Variants in FBXW10B observed in about 807,000 individuals in gnomAD.
The protein encoded by FBXW10B is F-box and WD repeat domain containing 10B.
At chr17:15,607,582 G>C in the FBXW10B span, 1 of 1,604,214 alleles carries the variant, frequency 6.2e-7, no homozygotes, top group Admixed American at 1.7e-5. Context: ...ACGTGTCAGA[G>C]AGAATGCGAA....
the FBXW10B span, among the ~76,000 whole-genome samples, chr17:15,601,874 A>T: frequency 6.6e-5 from 10 of 152,178 alleles, no homozygotes; most frequent in Admixed American, 6.5e-4. Context: ...GCACTTTGGG[A>T]GGCCGAGGCG....
At chr17:15,575,453 ACTCTT>A in the FBXW10B span, among the ~76,000 whole-genome samples, 6 of 149,150 alleles carry the variant, frequency 4.0e-5, no homozygotes, top group African/African-American at 1.6e-4. Context: ...CCATCCAGTT[ACTCTT>A]CTATTTCTCC....
the FBXW10B span, among the ~76,000 whole-genome samples, chr17:15,602,751 C>T: frequency 8.4e-6 from 1 of 118,938 alleles, no homozygotes; most frequent in Non-Finnish European, 1.6e-5. Context: ...CCTCAGCCTC[C>T]CGAGTAGCTG....
At chr17:15,589,164 T>A in the FBXW10B span, 1 of 1,612,850 alleles carries the variant, frequency 6.2e-7, no homozygotes, top group African/African-American at 1.3e-5. Flanking sequence ...TAGCACTTGG[T>A]TCGATTCCAT....
the FBXW10B span, among the ~76,000 whole-genome samples, chr17:15,611,309 G>A: frequency 4.1e-4 from 62 of 152,236 alleles, 1 homozygote; most frequent in East Asian, 9.9e-3. Context: ...GGCGTGAGCC[G>A]CTGCACCTGG....
At chr17:15,604,922 G>A in the FBXW10B span, among the ~76,000 whole-genome samples, 1 of 152,342 alleles carries the variant, frequency 6.6e-6, no homozygotes, top group East Asian at 1.9e-4. Flanking sequence ...GAATCTGTAA[G>A]AACAAATGTA....
At chr17:15,570,247 G>A in the FBXW10B span, among the ~76,000 whole-genome samples, 1 of 152,140 alleles carries the variant, frequency 6.6e-6, no homozygotes, top group African/African-American at 2.4e-5. Context: ...AAGGCCATTC[G>A]GACAGGAGTG....
At chr17:15,608,611 G>C in the FBXW10B span, among the ~76,000 whole-genome samples, 1 of 151,846 alleles carries the variant, frequency 6.6e-6, no homozygotes, top group African/African-American at 2.4e-5. Context: ...GTGCCACCAC[G>C]CCTGGCTAAT....
At chr17:15,600,846 G>A in the FBXW10B span, among the ~76,000 whole-genome samples, 1 of 151,498 alleles carries the variant, frequency 6.6e-6, no homozygotes, top group Admixed American at 6.6e-5. Flanking sequence ...TCAGGAGATT[G>A]AGACCATCCT....
the FBXW10B span, chr17:15,596,665 G>A: frequency 4.3e-6 from 7 of 1,613,538 alleles, no homozygotes; most frequent in African/African-American, 8.0e-5. Context: ...ATCCCATACT[G>A]AAAAGGAGGG....
the FBXW10B span, among the ~76,000 whole-genome samples, chr17:15,586,114 A>G: frequency 6.6e-6 from 1 of 151,658 alleles, no homozygotes; most frequent in African/African-American, 2.4e-5. Flanking sequence ...TGTGAGCTAA[A>G]CCAATTGAGA....
chr17:15,588,889 G>C, the FBXW10B span: 2 of 1,614,004 alleles, frequency 1.2e-6, no homozygotes, highest in Admixed American at 1.7e-5. Context: ...TTGTTGTGCT[G>C]TTCCAGGAGT....
the FBXW10B span, among the ~76,000 whole-genome samples, chr17:15,581,518 C>T: frequency 6.6e-6 from 1 of 151,928 alleles, no homozygotes; most frequent in African/African-American, 2.4e-5. Flanking sequence ...AAGGATATAT[C>T]CAAAGTTCCT....
the FBXW10B span, among the ~76,000 whole-genome samples, chr17:15,594,394 C>T: frequency 3.3e-5 from 5 of 149,676 alleles, no homozygotes; most frequent in African/African-American, 1.2e-4. Flanking sequence ...ATAGCGTGAA[C>T]CCAGGAGGTA....
chr17:15,565,965 G>A, the FBXW10B span: 7 of 1,591,648 alleles, frequency 4.4e-6, no homozygotes, highest in South Asian at 4.4e-5. Flanking sequence ...TCATGGGCTC[G>A]GGTATGGTGG....
chr17:15,594,615 G>A, the FBXW10B span: 13 of 965,042 alleles, frequency 1.3e-5, no homozygotes, highest in Non-Finnish European at 1.7e-5. Context: ...GAAGAGGAGG[G>A]AAGCAGAGAG....
At chr17:15,612,823 C>A in the FBXW10B span, 5 of 1,602,922 alleles carry the variant, frequency 3.1e-6, no homozygotes, top group African/African-American at 7.0e-5. Flanking sequence ...GTATAGGACC[C>A]CTGGAAAAAC....
the FBXW10B span, among the ~76,000 whole-genome samples, chr17:15,590,848 T>A: frequency 3.0e-4 from 45 of 152,344 alleles, no homozygotes; most frequent in Non-Finnish European, 5.7e-4. Context: ...GCCTATCTGA[T>A]GGAGACACCC....
At chr17:15,605,266 C>T in the FBXW10B span, 27 of 1,589,828 alleles carry the variant, frequency 1.7e-5, no homozygotes, top group Non-Finnish European at 2.1e-5. Flanking sequence ...AAGTTTTCCT[C>T]CTCACACAGG....
Sources: allele counts gnomAD v4.1 joint callset (sites outside exome capture counted in the v4.1 genomes callset), GRCh38; gene constraint gnomAD v4.1.1; transcripts MANE v1.5; gene names NCBI Gene and HGNC (gene_info 2026-07-23, HGNC 2026-07-21).